The following MCPH1 variants were observed in gnomAD, a reference collection of about 807,000 sequenced individuals.
MCPH1 encodes microcephalin 1.
Under a neutral mutation model 84.5 loss-of-function variants are expected in MCPH1, and 104 were observed. The observed-to-expected ratio is 1.23, with a 90% confidence interval of 1.05 to 1.45. The LOEUF (loss-of-function observed/expected upper bound fraction) is 1.45, where lower values mean the gene tolerates loss of function less well. Ranked by LOEUF, MCPH1 falls within the 40% of genes most tolerant of loss-of-function variation. The pLI is 0.00. For synonymous variants in MCPH1, 514 were observed against 366.8 expected, an observed-to-expected ratio of 1.40 and a Z score of -4.58; for missense variants, 1,498 against 1,005.7, an observed-to-expected ratio of 1.49 and a Z score of -6.62.
chr8:6,578,648 C>G (rs1481496852), intron 12 of MCPH1, among the ~76,000 whole-genome samples: 1 of 152,140 alleles, frequency 6.6e-6, no homozygotes, highest in Non-Finnish European at 1.5e-5. Context: ...GTCAGCAATA[C>G]AAAACCCTGC....
chr8:6,568,657 G>T (rs1826415805), intron 12 of MCPH1, among the ~76,000 whole-genome samples: 1 of 152,188 alleles, frequency 6.6e-6, no homozygotes, highest in Non-Finnish European at 1.5e-5. Flanking sequence ...CATGGAAAGG[G>T]CTCAGACACA....
At chr8:6,581,126 T>G (rs1586702534) in intron 12 of MCPH1, among the ~76,000 whole-genome samples, 2 of 152,220 alleles carry the variant, frequency 1.3e-5, no homozygotes, top group East Asian at 3.8e-4. Flanking sequence ...TATAAAGACT[T>G]GAGCATCCAT....
chr8:6,455,296 C>T lies in MCPH1; in HGVS notation c.1935+44C>T, dbSNP rs768305053. 3.9e-5 allele frequency: 51 copies of T among 1,296,134 alleles called. No individual in the cohort carries two copies. The Admixed American group carries it at 6.4e-4, about 16-fold the overall frequency. The allele number at this position is 1,296,134 out of a possible 1,614,324, so 80.3% of individuals were successfully genotyped here. ...TATTTTAAACTTTCAAATGCTGATA[C>T]ATCATAATGTTCTTCTCTGGGTCAA... On this transcript the variant is annotated intron_variant, in intron 9 of 13. Coordinates refer to ENST00000344683, the MANE Select transcript of MCPH1 (RefSeq NM_024596.5).
intron 12 of MCPH1, chr8:6,532,255 T>C (rs1395512355): frequency 2.1e-5 from 32 of 1,549,688 alleles, no homozygotes; most frequent in Non-Finnish European, 2.3e-5. Flanking sequence ...CATGCCTTCA[T>C]TGAGGAAGCT....
chr8:6,518,122 A>C (rs1362955094), intron 12 of MCPH1, among the ~76,000 whole-genome samples: 1 of 152,146 alleles, frequency 6.6e-6, no homozygotes, highest in African/African-American at 2.4e-5. Context: ...GGAAGCTTGC[A>C]CTTAGACTGA....
At chr8:6,583,372 A>G (rs897324977) in intron 12 of MCPH1, among the ~76,000 whole-genome samples, 5 of 152,188 alleles carry the variant, frequency 3.3e-5, no homozygotes, top group African/African-American at 1.2e-4. Flanking sequence ...ACAAACAAAA[A>G]CACACACAAA....
At chr8:6,536,545 A>G (rs1304016106) in intron 12 of MCPH1, among the ~76,000 whole-genome samples, 1 of 152,210 alleles carries the variant, frequency 6.6e-6, no homozygotes, top group Non-Finnish European at 1.5e-5. Context: ...AGAATTAAAG[A>G]TGACCAATGC....
rs1798201865 is a variant in MCPH1 at position 6,646,040 on chromosome 8, AG to A, written c.*2992del. ...TGCTAAATCTTTTATGAAAATGCAA[AG>A]AACCTCTAGTAGACAAAACAATTTT... On this transcript the variant is annotated 3_prime_UTR_variant, in exon 14 of 14. Coordinates refer to ENST00000344683, the MANE Select transcript of MCPH1 (RefSeq NM_024596.5). The A allele has an allele frequency of 6.6e-6, 1 of 152,248 alleles. No individual in the cohort carries two copies. Among genetic ancestry groups the A allele is most frequent in the East Asian group, 1.9e-4 (1 of 5,204 alleles). 9.4% of individuals were successfully genotyped at this position (152,248 alleles called of 1,614,324 possible).
chr8:6,508,604 C>G (rs561179047), intron 12 of MCPH1: 438 of 464,130 alleles, frequency 9.4e-4, no homozygotes, highest in Non-Finnish European at 1.4e-3. Flanking sequence ...TTACATAAAG[C>G]AAAATGTAAT....
At chr8:6,421,071 C>T (rs899070953) in intron 3 of MCPH1, among the ~76,000 whole-genome samples, 12 of 152,158 alleles carry the variant, frequency 7.9e-5, no homozygotes, top group African/African-American at 2.7e-4. Flanking sequence ...GTGGGCTGCC[C>T]GCATGCACAG....
chr8:6,619,608 G>C (rs935677883), intron 12 of MCPH1, among the ~76,000 whole-genome samples: 1 of 148,222 alleles, frequency 6.7e-6, no homozygotes, highest in Non-Finnish European at 1.5e-5. Context: ...TCTTTAGATA[G>C]AGTGTTGCTC....
At chr8:6,631,344 TAA>T (rs1426762166) in intron 13 of MCPH1, among the ~76,000 whole-genome samples, 1 of 151,954 alleles carries the variant, frequency 6.6e-6, no homozygotes, top group Admixed American at 6.6e-5. Context: ...ATATACAAAT[TAA>T]AGACTTCAGT....
intron 12 of MCPH1, among the ~76,000 whole-genome samples, chr8:6,587,636 G>T (rs921114056): frequency 5.9e-5 from 9 of 152,128 alleles, no homozygotes; most frequent in Non-Finnish European, 1.3e-4. Flanking sequence ...AGCAGTCTTG[G>T]GGCCTGGATG....
chr8:6,446,898 C>G, intron 8 of MCPH1: 4 of 985,268 alleles, frequency 4.1e-6, no homozygotes, highest in Non-Finnish European at 4.8e-6. Flanking sequence ...TCGACAGCCT[C>G]CGGGGTTGGG....
At chr8:6,593,168 C>T (rs1440121433) in intron 12 of MCPH1, among the ~76,000 whole-genome samples, 4 of 148,424 alleles carry the variant, frequency 2.7e-5, no homozygotes, top group African/African-American at 7.4e-5. Context: ...ACTGCAACCT[C>T]TACCTCCCGG....
intron 13 of MCPH1, among the ~76,000 whole-genome samples, chr8:6,634,686 T>C (rs1206846215): frequency 6.6e-6 from 1 of 152,250 alleles, no homozygotes; most frequent in African/African-American, 2.4e-5. Flanking sequence ...CCTCTTGTGC[T>C]CGCTGCAGAA....
intron 11 of MCPH1, among the ~76,000 whole-genome samples, chr8:6,485,044 A>C (rs1809703783): frequency 3.9e-5 from 6 of 152,152 alleles, no homozygotes. Context: ...AAGAATATCT[A>C]GGCGGGGTGC....
chr8:6,507,278 C>T (rs1813939706), intron 12 of MCPH1, among the ~76,000 whole-genome samples: 1 of 152,192 alleles, frequency 6.6e-6, no homozygotes, highest in South Asian at 2.1e-4. Context: ...ATTTATAAAA[C>T]ATGTTGACCA....
At chr8:6,423,664 A>G (rs968050860) in intron 3 of MCPH1, among the ~76,000 whole-genome samples, 16 of 152,072 alleles carry the variant, frequency 1.1e-4, no homozygotes, top group African/African-American at 3.6e-4. Context: ...TTCTGTATGT[A>G]TTACCTTTTT....
Sources: gnomAD v4.1 joint callset for allele counts (sites outside exome capture counted in the v4.1 genomes callset) on GRCh38, gnomAD v4.1.1 for gene constraint, MANE v1.5 for transcripts, NCBI Gene and HGNC (gene_info 2026-07-23, HGNC 2026-07-21) for gene names.